The following IDI1 variants were observed in gnomAD, a reference collection of about 807,000 sequenced individuals.
The protein encoded by IDI1 is isopentenyl-diphosphate delta isomerase 1.
A neutral mutation model predicts 32.9 loss-of-function variants in IDI1; 23 were observed. That is an observed-to-expected ratio of 0.70 (90% CI 0.50 to 0.99). The LOEUF is 0.99. Among genes scored for constraint, IDI1 ranks in the 50% least tolerant of loss-of-function variants. The pLI is 0.00. For synonymous variants in IDI1, 133 were observed against 128.2 expected (o/e 1.04, Z -0.25); for missense variants, 326 against 351.9 (o/e 0.93, Z 0.59).
the IDI1 span, among the ~76,000 whole-genome samples, chr10:1,056,111 G>C: frequency 6.6e-6 from 1 of 152,080 alleles, no homozygotes; most frequent in Admixed American, 6.5e-5. Context: ...CTGGCCTTGA[G>C]CTTCCTTTTT....
chr10:1,045,870 T>TGTGTGTGC (rs1832791695), intron 1 of IDI1, among the ~76,000 whole-genome samples: 1 of 44,182 alleles, frequency 2.3e-5, no homozygotes, highest in Admixed American at 2.5e-4. Flanking sequence ...GGTCTGGGTG[T>TGTGTGTGC]GTGTGTGTGT....
At chr10:1,048,760 C>T in intron 1 of IDI1, 104 bp downstream of exon 1, 1 of 1,510,102 alleles carries the variant, frequency 6.6e-7, no homozygotes, top group South Asian at 1.2e-5. Flanking sequence ...CGCGCCGAGA[C>T]CTCACGGGTG....
rs774745118 is a variant in IDI1, at chr10:1,048,670, G to A, written c.140+194C>T. On this transcript the variant is annotated intron_variant, in intron 1 of 4. Coordinates refer to ENST00000381344, the MANE Select transcript of IDI1 (RefSeq NM_004508.4). The stretch of plus-strand genomic sequence containing the variant: ...CGCCTCCGCCTTCCACGGGGCGCGG[G>A]CGCCCACCACAGCCCGGGAAGGCCC... 3.8e-5 allele frequency: 54 copies of A among 1,410,142 alleles called. No homozygotes were observed. In the South Asian group the frequency reaches 4.4e-4, roughly 12 times the overall value. 87.4% of individuals were successfully genotyped at this position (1,410,142 alleles called of 1,614,324 possible). A position where few individuals can be genotyped will look rare whatever the true frequency, so the allele number is the denominator to read the frequency against.
the IDI1 span, chr10:1,056,666 C>A: frequency 1.3e-5 from 2 of 152,246 alleles, no homozygotes; most frequent in African/African-American, 2.4e-5. Flanking sequence ...AAGGGGTCTT[C>A]AGCGCGCCCA....
At chr10:1,053,979 G>A (rs1833079182), upstream of IDI1, among the ~76,000 whole-genome samples, 4 of 152,180 alleles carry the variant, frequency 2.6e-5, no homozygotes, top group Admixed American at 2.6e-4. Context: ...GGTCAGTGCA[G>A]TGGTCAGAAC....
At chr10:1,049,661 AT>A (rs3053722), upstream of IDI1, 69,508 of 150,318 alleles carry the variant, frequency 0.46, 16,246 homozygotes, top group South Asian at 0.54. Flanking sequence ...TACGTTCTAA[AT>A]TTTTTTTTTT....
At chr10:1,046,059 C>T (rs1322111737) in intron 1 of IDI1, among the ~76,000 whole-genome samples, 1 of 152,214 alleles carries the variant, frequency 6.6e-6, no homozygotes, top group Non-Finnish European at 1.5e-5. Context: ...CTTCTATAGG[C>T]TAGTTTTATA....
At chr10:1,046,424 T>C (rs1163099686) in intron 1 of IDI1, among the ~76,000 whole-genome samples, 1 of 152,160 alleles carries the variant, frequency 6.6e-6, no homozygotes, top group Non-Finnish European at 1.5e-5. Context: ...ACTGTCCAAA[T>C]TTAGGCCTGA....
chr10:1,049,153 G>T (rs572428613), upstream of IDI1: 4 of 1,273,122 alleles, frequency 3.1e-6, no homozygotes, highest in East Asian at 6.1e-5. Flanking sequence ...CCTTTAAGGG[G>T]GTCAACACGC....
Position 1,044,020 on chromosome 10 carries a change from G to C in IDI1, c.292C>G (p.Leu98Val). ...GCACCTTTCTCAATGTTCTCGTTCA[G>C]GTGACAATTCTTCTTGGTCTCAGCT... ...IGAETKKNCH[L>V]NENIEKGLLH... Residue 98 changes from leucine to valine, a missense_variant, in exon 2 of 5, where the codon CTG becomes GTG. By Grantham distance (32) the Leu-to-Val change is conservative. Transcript: ENST00000381344. The C allele has an allele frequency of 6.2e-7, 1 of 1,612,192 alleles. No homozygotes were observed. The highest frequency in any genetic ancestry group is 8.5e-7 in the Non-Finnish European group (1 of 1,179,554).
At chr10:1,043,960 A>G (rs1045491949) in intron 2 of IDI1, 39 bp downstream of exon 2, 1 of 1,575,812 alleles carries the variant, frequency 6.3e-7, no homozygotes, top group Non-Finnish European at 8.7e-7. Flanking sequence ...AAATGCCTAC[A>G]CAAATCGCTT....
At chr10:1,055,512 T>C in the IDI1 span, among the ~76,000 whole-genome samples, 1 of 152,214 alleles carries the variant, frequency 6.6e-6, no homozygotes, top group African/African-American at 2.4e-5. Context: ...TACAAAGCTT[T>C]CTATTTGCTG....
Position 1,042,745 on chromosome 10 carries a change from A to T in IDI1, c.424T>A (p.Cys142Ser). ...GGATTGCTTAATGGATGACTACAAC[A>T]CGTATTCGTAAAACAACCTGGAAAA... Reference protein sequence around the residue: ...ITFPGCFTNTCCSHPLSNPAE... With the variant: ...ITFPGCFTNTSCSHPLSNPAE... Residue 142 changes from cysteine to serine, a missense_variant, in exon 4 of 5, where the codon TGT becomes AGT. By Grantham distance (112) the Cys-to-Ser change is moderately radical (BLOSUM62 -1). Transcript: ENST00000381344. 1 of 1,613,888 alleles carries T rather than the reference A, an allele frequency of 6.2e-7. No individual in the cohort carries two copies.
Position 1,039,607 on chromosome 10 carries a change from T to G in IDI1, c.*1580A>C, listed in dbSNP as rs942424115. 11 of 152,274 alleles carry G rather than the reference T, an allele frequency of 7.2e-5. No homozygotes were observed. The highest frequency in any genetic ancestry group is 1.6e-4 in the Non-Finnish European group (11 of 68,030). 9.4% of individuals were successfully genotyped at this position (152,274 alleles called of 1,614,324 possible). On this transcript the variant is annotated 3_prime_UTR_variant, in exon 5 of 5. Transcript: ENST00000381344. ...AAAAGATGAAGGAGTTCTAAGGAGT[T>G]TATCAGGTCAAAAGACATTCCTTAC...
At chr10:1,048,221 A>C in intron 1 of IDI1, 1 of 1,297,556 alleles carries the variant, frequency 7.7e-7, no homozygotes, top group Non-Finnish European at 1.0e-6. Context: ...CTGCATAATC[A>C]CAAGATAAAA....
At chr10:1,039,203 G>A (rs61487661), downstream of IDI1, 11 of 145,108 alleles carry the variant, frequency 7.6e-5, no homozygotes, top group South Asian at 1.6e-3. Flanking sequence ...CGTGTCCCCA[G>A]GGAGCAGGTG....
At chr10:1,055,609 G>A in the IDI1 span, among the ~76,000 whole-genome samples, 1 of 151,996 alleles carries the variant, frequency 6.6e-6, no homozygotes, top group African/African-American at 2.4e-5. Context: ...TTTAAAAAAT[G>A]ACTTCTCTAA....
Position 1,041,400 on chromosome 10 carries a change from C to T in IDI1, c.642G>A (p.Lys214=), listed in dbSNP as rs1209403795. Reference sequence around the variant, plus strand: ...TGGGATCTGGATTCAAAGTTACATTCTTCCTCACCAACAAAATGTAATCAA... The same window carrying T: ...TGGGATCTGGATTCAAAGTTACATTTTTCCTCACCAACAAAATGTAATCAA... The part of the protein sequence containing the change: ...HEIDYILLVR[K]NVTLNPDPNE... The change falls in exon 5 of 5, where the codon AAG becomes AAA. Residue 214 remains lysine, a synonymous_variant. Coordinates refer to ENST00000381344, the MANE Select transcript of IDI1 (RefSeq NM_004508.4). The T allele has an allele frequency of 6.2e-7, 1 of 1,611,328 alleles. No individual in the cohort carries two copies. Among genetic ancestry groups the T allele is most frequent in the Non-Finnish European group, 8.5e-7 (1 of 1,177,666 alleles).
upstream of IDI1, among the ~76,000 whole-genome samples, chr10:1,052,807 C>G (rs1416595959): frequency 6.6e-6 from 1 of 152,184 alleles, no homozygotes; most frequent in Non-Finnish European, 1.5e-5. Flanking sequence ...TGCACTAGCC[C>G]CCTAGCAAGG....
Sources: allele counts gnomAD v4.1 joint callset (sites outside exome capture counted in the v4.1 genomes callset), GRCh38; gene constraint gnomAD v4.1.1; transcripts MANE v1.5; gene names NCBI Gene and HGNC (gene_info 2026-07-23, HGNC 2026-07-21).